SGCZ: variants seen among roughly 807,000 people sequenced by gnomAD.
SGCZ encodes zeta-sarcoglycan.
A neutral mutation model predicts 41.3 loss-of-function variants in SGCZ; 40 were observed. The observed-to-expected ratio is 0.97, with a 90% CI of 0.75 to 1.26. The LOEUF is 1.26. Among genes scored for constraint, SGCZ ranks in the 50% most tolerant of loss-of-function variants. The probability of loss-of-function intolerance (pLI) is 0.00; values close to 1 mark genes in which losing one functional copy is unlikely to be tolerated. For synonymous variants in SGCZ, 206 were observed against 137.5 expected (o/e 1.50, Z -3.49); for missense variants, 552 against 369.8 (o/e 1.49, Z -4.04).
chr8:14,260,003 T>C (rs1384378269), intron 3 of SGCZ, among the ~76,000 whole-genome samples: 6 of 152,298 alleles, frequency 3.9e-5, no homozygotes, highest in Admixed American at 3.3e-4. Context: ...CAGTGGTTTG[T>C]AGTTCTCCTT....
At chr8:14,222,688 A>G (rs755108683) in intron 4 of SGCZ, among the ~76,000 whole-genome samples, 7 of 150,002 alleles carry the variant, frequency 4.7e-5, no homozygotes, top group Non-Finnish European at 8.8e-5. Flanking sequence ...TTACTGTTTT[A>G]TTGTATAAAG....
intron 1 of SGCZ, among the ~76,000 whole-genome samples, chr8:15,186,457 G>C (rs1050411638): frequency 2.6e-5 from 4 of 151,884 alleles, no homozygotes; most frequent in African/African-American, 7.3e-5. Context: ...TCAGTATTTT[G>C]CTTACCCAAA....
intron 2 of SGCZ, among the ~76,000 whole-genome samples, chr8:14,436,250 T>C (rs974496091): frequency 2.6e-5 from 4 of 152,162 alleles, no homozygotes; most frequent in African/African-American, 4.8e-5. Flanking sequence ...GCGATGAGCC[T>C]CTTGAATCAC....
At chr8:14,153,889 G>A (rs556156795) in intron 5 of SGCZ, among the ~76,000 whole-genome samples, 2 of 149,262 alleles carry the variant, frequency 1.3e-5, no homozygotes, top group South Asian at 2.1e-4. Context: ...ACACCAGGTC[G>A]GTCAGTCTGT....
intron 1 of SGCZ, among the ~76,000 whole-genome samples, chr8:14,636,367 A>C (rs140112859): frequency 1.3e-3 from 194 of 152,090 alleles, no homozygotes; most frequent in African/African-American, 4.4e-3. Context: ...ACACAGGTTC[A>C]AAACAAGAAA....
At chr8:15,130,666 A>G (rs1807862686) in intron 1 of SGCZ, among the ~76,000 whole-genome samples, 1 of 152,334 alleles carries the variant, frequency 6.6e-6, no homozygotes, top group South Asian at 2.1e-4. Context: ...AAATGATATA[A>G]TGAGGCTGTG....
intron 1 of SGCZ, among the ~76,000 whole-genome samples, chr8:14,975,514 G>C (rs1373673348): frequency 2.6e-5 from 4 of 152,166 alleles, no homozygotes; most frequent in East Asian, 1.9e-4. Context: ...GAGGAGAGCT[G>C]ACCCACTTGA....
rs202128671 is a variant in SGCZ, at chr8:14,770,659, T to C, written c.40-215733A>G. Among the ~76,000 whole-genome samples the C allele has an allele frequency of 2.6e-5, 4 of 152,286 alleles. No individual in the cohort carries two copies. In the East Asian group the frequency reaches 7.7e-4, roughly 29 times the overall value. ...GCACAGATGTCCATTATGTATTTAC[T>C]CATTCAGTAAACTTTTATTGAACCT... On this transcript the variant is annotated intron_variant, in intron 1 of 7. Coordinates refer to ENST00000382080, the MANE Select transcript of SGCZ (RefSeq NM_139167.4).
intron 1 of SGCZ, among the ~76,000 whole-genome samples, chr8:14,729,258 G>A (rs1259849252): frequency 6.6e-6 from 1 of 152,044 alleles, no homozygotes; most frequent in Non-Finnish European, 1.5e-5. Context: ...CTTAATGACT[G>A]CCCACCAAAG....
At chr8:14,123,404 T>G (rs1802759248) in intron 5 of SGCZ, among the ~76,000 whole-genome samples, 2 of 152,168 alleles carry the variant, frequency 1.3e-5, no homozygotes, top group South Asian at 4.1e-4. Context: ...AAACAATTTG[T>G]GGGTAAATGG....
chr8:14,541,992 T>G (rs1370374415), intron 2 of SGCZ, among the ~76,000 whole-genome samples: 1 of 152,178 alleles, frequency 6.6e-6, no homozygotes, highest in Non-Finnish European at 1.5e-5. Flanking sequence ...GTTTTTTTCT[T>G]GTAAATTTGT....
chr8:14,922,982 T>C (rs548190132), intron 1 of SGCZ, among the ~76,000 whole-genome samples: 1 of 152,240 alleles, frequency 6.6e-6, no homozygotes, highest in Non-Finnish European at 1.5e-5. Context: ...AGTACTTTTA[T>C]AATTGAATGA....
At chr8:14,366,541 C>T (rs1803714261) in intron 2 of SGCZ, among the ~76,000 whole-genome samples, 1 of 152,034 alleles carries the variant, frequency 6.6e-6, no homozygotes, top group Non-Finnish European at 1.5e-5. Context: ...CCACCCCTGG[C>T]CCCTCCTAGA....
chr8:14,489,867 CT>C (rs67472735), intron 2 of SGCZ, among the ~76,000 whole-genome samples: 4,376 of 137,632 alleles, frequency 0.032, 243 homozygotes, highest in African/African-American at 0.11. Flanking sequence ...ATTCTCCTAC[CT>C]TTTTTTTTTT....
chr8:14,116,988 T>G (rs1585149330), intron 5 of SGCZ, among the ~76,000 whole-genome samples: 2 of 152,116 alleles, frequency 1.3e-5, no homozygotes, highest in African/African-American at 2.4e-5. Flanking sequence ...AAATTATCCA[T>G]AGTTTACAGG....
chr8:14,963,708 A>G (rs1047139484), intron 1 of SGCZ, among the ~76,000 whole-genome samples: 4 of 152,166 alleles, frequency 2.6e-5, no homozygotes, highest in African/African-American at 9.7e-5. Context: ...GCTCTAGAAA[A>G]GTCATGGTTG....
At chr8:14,354,753 C>T (rs889771658) in intron 2 of SGCZ, among the ~76,000 whole-genome samples, 1 of 151,664 alleles carries the variant, frequency 6.6e-6, no homozygotes, top group Non-Finnish European at 1.5e-5. Flanking sequence ...CTAAAAAATA[C>T]TTGCTGTGAA....
At chr8:14,238,110 T>C (rs1445302004) in intron 3 of SGCZ, among the ~76,000 whole-genome samples, 1 of 152,248 alleles carries the variant, frequency 6.6e-6, no homozygotes, top group Non-Finnish European at 1.5e-5. Flanking sequence ...ATCTAATCAG[T>C]GTAACTACAG....
At chr8:14,147,146 A>C (rs1412155835) in intron 5 of SGCZ, among the ~76,000 whole-genome samples, 1 of 152,112 alleles carries the variant, frequency 6.6e-6, no homozygotes, top group Non-Finnish European at 1.5e-5. Context: ...CAAGAAACGA[A>C]GTCATATCAC....
Sources: gnomAD v4.1 joint callset for allele counts (sites outside exome capture counted in the v4.1 genomes callset) on GRCh38, gnomAD v4.1.1 for gene constraint, MANE v1.5 for transcripts, NCBI Gene and HGNC (gene_info 2026-07-23, HGNC 2026-07-21) for gene names.